The following PMM2 variants were observed in gnomAD, a reference collection of about 807,000 sequenced individuals.
PMM2 encodes the protein mannose-6-phosphate isomerase.
Under a neutral mutation model 33.2 loss-of-function variants are expected in PMM2, and 35 were observed. The observed-to-expected ratio is 1.06, with a 90% CI of 0.81 to 1.40. The LOEUF is 1.40. PMM2 is among the 40% of genes most tolerant of loss of function. The pLI is 0.00. For synonymous variants in PMM2, 153 were observed against 114.7 expected, an observed-to-expected ratio of 1.33 and a Z score of -2.13; for missense variants, 386 against 306.0, an observed-to-expected ratio of 1.26 and a Z score of -1.95.
intron 1 of PMM2, among the ~76,000 whole-genome samples, chr16:8,799,192 A>G (rs1352995332): frequency 6.6e-6 from 1 of 152,204 alleles, no homozygotes; most frequent in Non-Finnish European, 1.5e-5. Flanking sequence ...CTGTGTACCA[A>G]TAAAATTTTA....
chr16:8,840,316 C>CT lies in PMM2; in HGVS notation c.640-7407dup, dbSNP rs578210988. ...TGCCAGCAAAGATCATCTATCCACTCTAAGAGGGAGTTAAGAGTGGCAGTT... is the reference window on the plus strand; with the variant it reads ...TGCCAGCAAAGATCATCTATCCACTCTTAAGAGGGAGTTAAGAGTGGCAGTT... On this transcript the variant is annotated intron_variant, in intron 7 of 7. Coordinates refer to ENST00000268261, the MANE Select transcript of PMM2 (RefSeq NM_000303.3). 3.9e-5 allele frequency among the ~76,000 whole-genome samples: 6 copies of CT among 152,002 alleles called. No individual in the cohort carries two copies. The South Asian group carries it at 1.2e-3, about 32-fold the overall frequency.
chr16:8,807,951 A>G (rs989422128), intron 4 of PMM2: 3 of 152,204 alleles, frequency 2.0e-5, no homozygotes, highest in Non-Finnish European at 4.4e-5. Flanking sequence ...AACAGTGGCT[A>G]TTTCTTGATG....
chr16:8,800,301 C>T (rs904246302), intron 1 of PMM2, among the ~76,000 whole-genome samples: 1 of 148,728 alleles, frequency 6.7e-6, no homozygotes, highest in Non-Finnish European at 1.5e-5. Context: ...GTGGAGGTTG[C>T]AATGAGCCGA....
intron 7 of PMM2, among the ~76,000 whole-genome samples, chr16:8,821,760 A>T (rs774736559): frequency 6.0e-4 from 92 of 152,294 alleles, no homozygotes; most frequent in Middle Eastern, 3.4e-3. Context: ...TTTTTCCTAG[A>T]TTCTAAGTCA....
intron 7 of PMM2, among the ~76,000 whole-genome samples, chr16:8,814,706 C>T (rs914849387): frequency 1.3e-5 from 2 of 152,184 alleles, no homozygotes; most frequent in African/African-American, 4.8e-5. Context: ...TTTTAAATAG[C>T]TTTATTGAGG....
Position 8,804,039 on chromosome 16 carries a change from T to TTTTTTGG in PMM2, c.179-723_179-722insGGTTTTT, listed in dbSNP as rs373806561. Among the ~76,000 whole-genome samples, 198 of 132,842 alleles carry TTTTTTGG rather than the reference T, an allele frequency of 1.5e-3. 2 individuals carry two copies. The highest frequency in any genetic ancestry group is 5.6e-3 in the African/African-American group (188 of 33,858). 87.1% of individuals were successfully genotyped at this position (132,842 alleles called of 152,430 possible). On this transcript the variant is annotated intron_variant, in intron 2 of 7. Coordinates refer to ENST00000268261, the MANE Select transcript of PMM2 (RefSeq NM_000303.3). The stretch of plus-strand genomic sequence containing the variant: ...TTTTTTGGGTTTTTTTTGTTTTTTT[T>TTTTTTGG]TTTTTTTTTTTTGACGTTAGACAGA...
chr16:8,840,960 G>A (rs999856087), intron 7 of PMM2, among the ~76,000 whole-genome samples: 3 of 152,034 alleles, frequency 2.0e-5, no homozygotes, highest in Non-Finnish European at 2.9e-5. Context: ...GAGGGCTGGT[G>A]TCTGGGATGA....
intron 7 of PMM2, among the ~76,000 whole-genome samples, chr16:8,820,927 A>G (rs1425031046): frequency 2.0e-5 from 3 of 152,160 alleles, no homozygotes; most frequent in African/African-American, 4.8e-5. Flanking sequence ...AGTTCATTAG[A>G]GCGTGAATTA....
intron 7 of PMM2, among the ~76,000 whole-genome samples, chr16:8,826,081 C>T (rs2060766279): frequency 6.6e-6 from 1 of 152,140 alleles, no homozygotes; most frequent in African/African-American, 2.4e-5. Context: ...GATATATGGG[C>T]CCAGATTCTG....
At position 8,810,670 on chromosome 16, in the gene PMM2, A is replaced by G. The variant is rs2060672332; in HGVS notation, c.348-409A>G. ...CAGCTCACTATAACCCCTATCTCCCAGGCTCATGGAATCTTCCTGCCTCAA... is the reference window on the plus strand; with the variant it reads ...CAGCTCACTATAACCCCTATCTCCCGGGCTCATGGAATCTTCCTGCCTCAA... On this transcript the variant is annotated intron_variant, in intron 4 of 7. Transcript: ENST00000268261. The G allele has an allele frequency of 3.5e-5, 11 of 311,704 alleles. 1 individual carries two copies. The highest frequency in any genetic ancestry group is 2.8e-4 in the South Asian group (10 of 36,234). 19.3% of individuals were successfully genotyped at this position (311,704 alleles called of 1,614,324 possible). A position where few individuals can be genotyped will look rare whatever the true frequency, so the allele number is the denominator to read the frequency against.
chr16:8,834,124 G>A (rs552450351), intron 7 of PMM2, among the ~76,000 whole-genome samples: 2 of 152,332 alleles, frequency 1.3e-5, no homozygotes, highest in African/African-American at 4.8e-5. Flanking sequence ...GCTTACATGG[G>A]CTGTACCTTG....
chr16:8,844,815 G>C (rs1003537597), intron 7 of PMM2, among the ~76,000 whole-genome samples: 23 of 152,248 alleles, frequency 1.5e-4, no homozygotes, highest in Non-Finnish European at 2.5e-4. Flanking sequence ...GTGGCGCCTA[G>C]ATTGAAAGGA....
At chr16:8,823,572 GA>G (rs551256713) in intron 7 of PMM2, among the ~76,000 whole-genome samples, 14 of 150,882 alleles carry the variant, frequency 9.3e-5, no homozygotes, top group Non-Finnish European at 1.9e-4. Context: ...AGTAAAGCAA[GA>G]ATAATTGTTT....
At chr16:8,828,004 G>A (rs761200201) in intron 7 of PMM2, among the ~76,000 whole-genome samples, 9 of 110,430 alleles carry the variant, frequency 8.1e-5, no homozygotes, top group Admixed American at 6.5e-4. Flanking sequence ...TTTTAATTAA[G>A]CAGATTTTAA....
At chr16:8,840,124 C>T (rs1029003011) in intron 7 of PMM2, among the ~76,000 whole-genome samples, 1 of 151,548 alleles carries the variant, frequency 6.6e-6, no homozygotes, top group African/African-American at 2.4e-5. Flanking sequence ...AGCAGTTGTT[C>T]ACTAAGGAGG....
chr16:8,833,933 G>A (rs949064651), intron 7 of PMM2, among the ~76,000 whole-genome samples: 1 of 151,842 alleles, frequency 6.6e-6, no homozygotes, highest in African/African-American at 2.4e-5. Flanking sequence ...ATGGCTTGGA[G>A]AAACAGTGTA....
At chr16:8,839,048 G>A (rs912116495) in intron 7 of PMM2, among the ~76,000 whole-genome samples, 6 of 151,930 alleles carry the variant, frequency 3.9e-5, no homozygotes, top group East Asian at 1.9e-4. Context: ...GACAGGCTAC[G>A]GAAGGTCATG....
chr16:8,845,096 C>T (rs1339666324), intron 7 of PMM2, among the ~76,000 whole-genome samples: 1 of 152,182 alleles, frequency 6.6e-6, no homozygotes, highest in Admixed American at 6.5e-5. Context: ...TTTATTTCAC[C>T]TGGGTGCAGG....
chr16:8,843,026 G>C (rs144238741), intron 7 of PMM2, among the ~76,000 whole-genome samples: 9 of 152,294 alleles, frequency 5.9e-5, no homozygotes, highest in Admixed American at 2.0e-4. Context: ...TCCAGGAATA[G>C]TCAGGGAAGC....
Sources: allele counts gnomAD v4.1 joint callset (sites outside exome capture counted in the v4.1 genomes callset), GRCh38; gene constraint gnomAD v4.1.1; transcripts MANE v1.5; gene names NCBI Gene and HGNC (gene_info 2026-07-23, HGNC 2026-07-21).